COL5A2: variants seen among roughly 807,000 people sequenced by gnomAD.
The protein encoded by COL5A2 is collagen type V alpha 2 chain.
COL5A2 carries 23 observed loss-of-function variants against 208.2 expected under a neutral mutation model. The ratio of observed to expected loss-of-function variants is 0.11; its 90% confidence interval spans 0.08 to 0.16. The LOEUF (loss-of-function observed/expected upper bound fraction) is 0.16. COL5A2 is among the 10% of genes least tolerant of loss of function. The pLI is 1.00. For missense variants in COL5A2, 1,590 were observed against 1,956.4 expected (o/e 0.81, Z 3.53); for synonymous variants, 625 against 628.5 (o/e 0.99, Z 0.08).
At chr2:189,045,979 A>C in intron 45 of COL5A2, 72 bp from the exon 46 acceptor site, 1 of 1,317,348 alleles carries the variant, frequency 7.6e-7, no homozygotes, top group East Asian at 2.5e-5. Context: ...TGTTCATGTT[A>C]TTCTTATAGT....
the COL5A2 span, among the ~76,000 whole-genome samples, chr2:189,296,409 C>T: frequency 2.0e-5 from 3 of 152,112 alleles, no homozygotes; most frequent in African/African-American, 7.2e-5. Context: ...TCTGCTTATT[C>T]TACTAACATC....
intron 1 of COL5A2, among the ~76,000 whole-genome samples, chr2:189,115,401 G>C (rs1419917115): frequency 6.9e-6 from 1 of 144,104 alleles, no homozygotes; most frequent in African/African-American, 2.7e-5. Flanking sequence ...AATTACACCT[G>C]TGGGGGAAAA....
chr2:189,372,713 T>C, the COL5A2 span, among the ~76,000 whole-genome samples: 1 of 152,106 alleles, frequency 6.6e-6, no homozygotes, highest in African/African-American at 2.4e-5. Flanking sequence ...CATATATAAC[T>C]CACATACTTA....
At chr2:189,409,933 G>GA in the COL5A2 span, among the ~76,000 whole-genome samples, 1 of 152,212 alleles carries the variant, frequency 6.6e-6, no homozygotes, top group East Asian at 1.9e-4. Context: ...AATTCAGGCT[G>GA]AAAAAATAGA....
At chr2:189,317,502 G>A in the COL5A2 span, among the ~76,000 whole-genome samples, 1 of 152,054 alleles carries the variant, frequency 6.6e-6, no homozygotes, top group Non-Finnish European at 1.5e-5. Flanking sequence ...AGACTGTCTG[G>A]TTTAAGAATC....
intron 1 of COL5A2, among the ~76,000 whole-genome samples, chr2:189,145,176 C>T (rs918579920): frequency 6.6e-6 from 1 of 152,048 alleles, no homozygotes; most frequent in African/African-American, 2.4e-5. Context: ...GATGTGAGAA[C>T]ACAGAAGGAT....
At chr2:189,285,706 G>C in the COL5A2 span, among the ~76,000 whole-genome samples, 2 of 152,234 alleles carry the variant, frequency 1.3e-5, no homozygotes, top group Admixed American at 6.6e-5. Flanking sequence ...ACTGATAAAA[G>C]TGGTCGTTTA....
intron 5 of COL5A2, 184 bp from the exon 6 acceptor site, chr2:189,097,514 T>C (rs1361430994): frequency 8.5e-6 from 6 of 703,632 alleles, no homozygotes; most frequent in Non-Finnish European, 1.3e-5. Context: ...GCGTTGTTTA[T>C]GTTATCAGTG....
intron 1 of COL5A2, among the ~76,000 whole-genome samples, chr2:189,211,451 T>A (rs1295542566): frequency 6.6e-6 from 1 of 152,216 alleles, no homozygotes; most frequent in Non-Finnish European, 1.5e-5. Context: ...TACTGCACTG[T>A]TAAAAATCAT....
At chr2:189,133,846 C>A (rs1333723359) in intron 1 of COL5A2, among the ~76,000 whole-genome samples, 1 of 152,066 alleles carries the variant, frequency 6.6e-6, no homozygotes, top group Non-Finnish European at 1.5e-5. Context: ...AGCACCATAT[C>A]CTGCTCTGAA....
At chr2:189,289,372 A>C in the COL5A2 span, among the ~76,000 whole-genome samples, 1 of 152,032 alleles carries the variant, frequency 6.6e-6, no homozygotes, top group Non-Finnish European at 1.5e-5. Flanking sequence ...AAGAAAAGAA[A>C]AGAAATGTAC....
At chr2:189,268,876 C>T in the COL5A2 span, among the ~76,000 whole-genome samples, 5 of 152,034 alleles carry the variant, frequency 3.3e-5, no homozygotes, top group Non-Finnish European at 7.4e-5. Context: ...GTGTTAGATC[C>T]AGCTTTGCTA....
chr2:189,057,556 T>G, intron 33 of COL5A2, 129 bp from the exon 34 acceptor site: 1 of 709,210 alleles, frequency 1.4e-6, no homozygotes, highest in Non-Finnish European at 2.5e-6. Context: ...ATATTTTTCA[T>G]CTGAGAAAGT....
At chr2:189,037,174 T>A (rs781558671) in intron 51 of COL5A2, among the ~76,000 whole-genome samples, 1 of 152,168 alleles carries the variant, frequency 6.6e-6, no homozygotes, top group African/African-American at 2.4e-5. Context: ...AACAAAATAA[T>A]GTAAATAATG....
At chr2:189,089,030 A>G (rs1686726376) in intron 7 of COL5A2, among the ~76,000 whole-genome samples, 1 of 151,788 alleles carries the variant, frequency 6.6e-6, no homozygotes, top group African/African-American at 2.4e-5. Context: ...AATGTCTGAT[A>G]CTTGATAAAA....
intron 2 of COL5A2, among the ~76,000 whole-genome samples, chr2:189,108,929 G>T: frequency 6.9e-6 from 1 of 145,560 alleles, no homozygotes; most frequent in African/African-American, 2.5e-5. Context: ...ACTTATTTCT[G>T]CTTTATAGCC....
At chr2:189,391,143 A>G in the COL5A2 span, among the ~76,000 whole-genome samples, 1 of 152,280 alleles carries the variant, frequency 6.6e-6, no homozygotes, top group South Asian at 2.1e-4. Context: ...AAGCAATAAC[A>G]CTACTATGAA....
At chr2:189,050,529 GC>G in intron 43 of COL5A2, 39 bp downstream of exon 43, 1 of 1,407,810 alleles carries the variant, frequency 7.1e-7, no homozygotes, top group South Asian at 1.2e-5. Context: ...AATTTGTATT[GC>G]ACATATGAGA....
chr2:189,060,007 A>G (rs891546297), intron 31 of COL5A2, among the ~76,000 whole-genome samples: 15 of 152,148 alleles, frequency 9.9e-5, no homozygotes, highest in African/African-American at 3.6e-4. Context: ...TCCCCAAATT[A>G]CATTACCCAC....
Sources: gnomAD v4.1 joint callset for allele counts (sites outside exome capture counted in the v4.1 genomes callset) on GRCh38, gnomAD v4.1.1 for gene constraint, MANE v1.5 for transcripts, NCBI Gene and HGNC (gene_info 2026-07-23, HGNC 2026-07-21) for gene names.